The following GABRB1 variants were observed in gnomAD, a reference collection of about 807,000 sequenced individuals.
GABRB1 encodes the protein gamma-aminobutyric acid receptor subunit beta-1.
Under a neutral mutation model 51.6 loss-of-function variants are expected in GABRB1, and 17 were observed. The ratio of observed to expected loss-of-function variants is 0.33; its 90% CI spans 0.23 to 0.49. The LOEUF is 0.49. Among genes scored for constraint, GABRB1 ranks in the 20% least tolerant of loss-of-function variants. The pLI is 0.99. For missense variants in GABRB1, 410 were observed against 600.6 expected, an observed-to-expected ratio of 0.68 and a Z score of 3.32; for synonymous variants, 247 against 218.9, an observed-to-expected ratio of 1.13 and a Z score of -1.14.
intron 3 of GABRB1, among the ~76,000 whole-genome samples, chr4:47,113,206 T>G (rs1715309969): frequency 6.6e-6 from 1 of 151,928 alleles, no homozygotes; most frequent in Non-Finnish European, 1.5e-5. Context: ...GCTAACATAG[T>G]GAAACCCCGT....
At chr4:47,147,477 C>G (rs968807748) in intron 3 of GABRB1, among the ~76,000 whole-genome samples, 1 of 152,102 alleles carries the variant, frequency 6.6e-6, no homozygotes, top group Non-Finnish European at 1.5e-5. Context: ...ATCCACTAGA[C>G]GGCAGGCCCT....
chr4:47,160,535 A>C (rs574039313), intron 3 of GABRB1, among the ~76,000 whole-genome samples: 1 of 152,200 alleles, frequency 6.6e-6, no homozygotes, highest in Admixed American at 6.5e-5. Flanking sequence ...ATTCAGTTTT[A>C]GTTATTATTT....
chr4:47,213,219 A>G (rs562137775), intron 4 of GABRB1, among the ~76,000 whole-genome samples: 2 of 152,232 alleles, frequency 1.3e-5, no homozygotes, highest in Non-Finnish European at 2.9e-5. Flanking sequence ...TTGATTGTTT[A>G]TATGCTTATC....
chr4:47,232,182 C>T (rs536072750), intron 4 of GABRB1, among the ~76,000 whole-genome samples: 43 of 152,192 alleles, frequency 2.8e-4, no homozygotes, highest in African/African-American at 8.9e-4. Context: ...AAACCAGAGC[C>T]GCTTTTCCCT....
intron 3 of GABRB1, among the ~76,000 whole-genome samples, chr4:47,080,397 G>A (rs950293100): frequency 1.3e-5 from 2 of 152,072 alleles, no homozygotes; most frequent in African/African-American, 4.8e-5. Context: ...TGCATGAAAT[G>A]GAATTAATAA....
chr4:47,067,486 C>T (rs1162315518), intron 3 of GABRB1, among the ~76,000 whole-genome samples: 1 of 152,162 alleles, frequency 6.6e-6, no homozygotes, highest in Non-Finnish European at 1.5e-5. Flanking sequence ...GTGTAGCCAA[C>T]TTCATCAATT....
chr4:47,139,714 A>T (rs1398917382), intron 3 of GABRB1, among the ~76,000 whole-genome samples: 1 of 152,038 alleles, frequency 6.6e-6, no homozygotes, highest in Non-Finnish European at 1.5e-5. Context: ...GTGTTAGCTG[A>T]TTCTAAATTC....
chr4:47,219,595 T>C (rs1480342861), intron 4 of GABRB1, among the ~76,000 whole-genome samples: 6 of 151,798 alleles, frequency 4.0e-5, no homozygotes, highest in African/African-American at 1.4e-4. Context: ...TCAATCCCTT[T>C]TCAGTCACTG....
chr4:47,272,706 A>G (rs1322256116), intron 4 of GABRB1, among the ~76,000 whole-genome samples: 1 of 152,196 alleles, frequency 6.6e-6, no homozygotes, highest in Non-Finnish European at 1.5e-5. Flanking sequence ...CCTTACAAAC[A>G]CTATCCCACT....
chr4:47,183,100 T>C (rs1013427251), intron 4 of GABRB1, among the ~76,000 whole-genome samples: 2 of 151,746 alleles, frequency 1.3e-5, no homozygotes, highest in Non-Finnish European at 1.5e-5. Context: ...TGATTGTAGT[T>C]CATTCAGTAG....
chr4:47,197,105 G>A (rs1719714387), intron 4 of GABRB1, among the ~76,000 whole-genome samples: 1 of 152,216 alleles, frequency 6.6e-6, no homozygotes, highest in African/African-American at 2.4e-5. Flanking sequence ...AGAACCTGCA[G>A]TAACAACCAG....
intron 5 of GABRB1, among the ~76,000 whole-genome samples, chr4:47,348,264 T>A (rs1295340577): frequency 6.6e-6 from 1 of 152,164 alleles, no homozygotes; most frequent in African/African-American, 2.4e-5. Context: ...GGTACACCAT[T>A]TTCTACTAAG....
intron 4 of GABRB1, among the ~76,000 whole-genome samples, chr4:47,206,371 A>T (rs1720123040): frequency 6.6e-6 from 1 of 151,988 alleles, no homozygotes; most frequent in Admixed American, 6.6e-5. Flanking sequence ...ATGGCATTTG[A>T]TCTCTTTAAA....
intron 4 of GABRB1, among the ~76,000 whole-genome samples, chr4:47,291,989 A>C (rs1723756654): frequency 6.6e-6 from 1 of 152,124 alleles, no homozygotes; most frequent in Admixed American, 6.5e-5. Flanking sequence ...ATTGGTTTTG[A>C]ATTGTGAGGA....
chr4:47,102,858 T>C (rs961294691), intron 3 of GABRB1, among the ~76,000 whole-genome samples: 1 of 152,006 alleles, frequency 6.6e-6, no homozygotes, highest in Non-Finnish European at 1.5e-5. Flanking sequence ...ATGAGGTTAT[T>C]GTAACAGTCT....
chr4:47,158,518 G>T (rs577603869), intron 3 of GABRB1, among the ~76,000 whole-genome samples: 3 of 152,010 alleles, frequency 2.0e-5, no homozygotes, highest in African/African-American at 7.2e-5. Context: ...GGATTTTGCC[G>T]CAGGTTTCAT....
At chr4:47,252,226 G>T (rs144287070) in intron 4 of GABRB1, among the ~76,000 whole-genome samples, 205 of 151,990 alleles carry the variant, frequency 1.3e-3, no homozygotes, top group African/African-American at 4.6e-3. Flanking sequence ...TTTCTCTTGG[G>T]TCTCTAAATT....
chr4:46,994,763 G>T (rs1241798654), intron 1 of GABRB1, among the ~76,000 whole-genome samples: 1 of 152,122 alleles, frequency 6.6e-6, no homozygotes, highest in Admixed American at 6.5e-5. Context: ...TCATATGATG[G>T]ATCAATGAGC....
At chr4:47,321,201 A>G (rs1393705010) in intron 5 of GABRB1, among the ~76,000 whole-genome samples, 1 of 152,242 alleles carries the variant, frequency 6.6e-6, no homozygotes, top group Non-Finnish European at 1.5e-5. Context: ...TTAGAAATTG[A>G]CAGATGTTTA....
Sources: gnomAD v4.1 joint callset for allele counts (sites outside exome capture counted in the v4.1 genomes callset) on GRCh38, gnomAD v4.1.1 for gene constraint, MANE v1.5 for transcripts, NCBI Gene and HGNC (gene_info 2026-07-23, HGNC 2026-07-21) for gene names.